LINGO2: variants seen among roughly 807,000 people sequenced by gnomAD.
The protein encoded by LINGO2 is leucine-rich repeat and immunoglobulin-like domain-containing nogo receptor-interacting protein 2.
Under a neutral mutation model 30.6 loss-of-function variants are expected in LINGO2, and 14 were observed. The ratio of observed to expected loss-of-function variants is 0.46; its 90% CI spans 0.30 to 0.72. The LOEUF (loss-of-function observed/expected upper bound fraction) is 0.72. LINGO2 is among the 30% of genes least tolerant of loss of function. The pLI is 0.07. For missense variants in LINGO2, 729 were observed against 751.7 expected (o/e 0.97, Z 0.35); for synonymous variants, 317 against 288.5 (o/e 1.10, Z -1.00).
chr9:28,334,618 G>A (rs558338901), intron 3 of LINGO2, among the ~76,000 whole-genome samples: 6 of 152,112 alleles, frequency 3.9e-5, no homozygotes, highest in African/African-American at 1.4e-4. Flanking sequence ...GACTCTAGTA[G>A]GTTTGGGTGG....
chr9:28,518,929 G>C (rs1243318325), intron 1 of LINGO2, among the ~76,000 whole-genome samples: 1 of 152,164 alleles, frequency 6.6e-6, no homozygotes. Flanking sequence ...TCTAACTTGT[G>C]TTGTACTTTC....
At chr9:28,367,104 A>G (rs1437258869) in intron 3 of LINGO2, among the ~76,000 whole-genome samples, 1 of 136,056 alleles carries the variant, frequency 7.3e-6, no homozygotes, top group East Asian at 2.3e-4. Context: ...TTTTGGTTAA[A>G]TCAAAAGTCA....
chr9:28,038,086 G>T (rs914565902), intron 4 of LINGO2, among the ~76,000 whole-genome samples: 1 of 152,192 alleles, frequency 6.6e-6, no homozygotes, highest in Non-Finnish European at 1.5e-5. Flanking sequence ...AAGATTTTAT[G>T]AAAGTTGGCT....
chr9:29,023,241 G>A, the LINGO2 span, among the ~76,000 whole-genome samples: 1 of 151,946 alleles, frequency 6.6e-6, no homozygotes, highest in African/African-American at 2.4e-5. Context: ...CAAAGCATTT[G>A]TCCTTCATTT....
chr9:28,222,375 A>T (rs1159992842), intron 4 of LINGO2, among the ~76,000 whole-genome samples: 1 of 152,164 alleles, frequency 6.6e-6, no homozygotes, highest in African/African-American at 2.4e-5. Context: ...GTCATAAATC[A>T]CAGCTTTTGA....
chr9:27,991,409 G>A lies in LINGO2; in HGVS notation c.-36+20946C>T, dbSNP rs1821392566. On this transcript the variant is annotated intron_variant, in intron 5 of 5. Coordinates refer to ENST00000379992, the Ensembl canonical transcript of LINGO2. Reference sequence around the variant, plus strand: ...GTGACCTTTCAAGGTTATTCCATAAGCCCTGGCAATCTGTGTTCAGATGAT... The same window carrying A: ...GTGACCTTTCAAGGTTATTCCATAAACCCTGGCAATCTGTGTTCAGATGAT... 2.0e-5 allele frequency among the ~76,000 whole-genome samples: 3 copies of A among 151,956 alleles called. No individual in the cohort carries two copies. The South Asian group carries it at 6.2e-4, about 32-fold the overall frequency.
intron 2 of LINGO2, among the ~76,000 whole-genome samples, chr9:28,472,674 G>A (rs1825573216): frequency 6.6e-6 from 1 of 151,028 alleles, no homozygotes; most frequent in Admixed American, 6.6e-5. Context: ...TATTTATTTT[G>A]GTCTCTTCTT....
At chr9:28,699,998 G>C in the LINGO2 span, among the ~76,000 whole-genome samples, 1 of 151,942 alleles carries the variant, frequency 6.6e-6, no homozygotes, top group African/African-American at 2.4e-5. Flanking sequence ...ATTTTGCCCT[G>C]GCCCTGTTTC....
At chr9:28,055,716 CTT>C (rs1824902499) in intron 4 of LINGO2, among the ~76,000 whole-genome samples, 1 of 152,124 alleles carries the variant, frequency 6.6e-6, no homozygotes, top group Admixed American at 6.6e-5. Context: ...ACTTAAAATT[CTT>C]TAAAAGATAT....
chr9:27,952,758 T>C (rs1819379625), intron 5 of LINGO2, among the ~76,000 whole-genome samples: 1 of 152,056 alleles, frequency 6.6e-6, no homozygotes, highest in African/African-American at 2.4e-5. Context: ...CCAGATGAAT[T>C]AAGGATTCAA....
At chr9:29,173,539 A>G in the LINGO2 span, among the ~76,000 whole-genome samples, 1 of 152,136 alleles carries the variant, frequency 6.6e-6, no homozygotes, top group Non-Finnish European at 1.5e-5. Flanking sequence ...AGGAGAAGAA[A>G]AATCAAAAGT....
the LINGO2 span, among the ~76,000 whole-genome samples, chr9:28,918,956 T>A: frequency 6.6e-6 from 1 of 152,164 alleles, no homozygotes; most frequent in African/African-American, 2.4e-5. Flanking sequence ...GCCCCAAACA[T>A]CTATTTAAAG....
chr9:28,182,736 C>A (rs1037129248), intron 4 of LINGO2, among the ~76,000 whole-genome samples: 2 of 152,058 alleles, frequency 1.3e-5, no homozygotes, highest in African/African-American at 2.4e-5. Flanking sequence ...TAGAGAAATG[C>A]AAATCAAAAC....
the LINGO2 span, among the ~76,000 whole-genome samples, chr9:28,739,750 C>T: frequency 6.6e-6 from 1 of 151,432 alleles, no homozygotes; most frequent in African/African-American, 2.4e-5. Flanking sequence ...ATCTCTAAGT[C>T]TAGCTTTATG....
chr9:28,188,739 C>A (rs1006949776), intron 4 of LINGO2, among the ~76,000 whole-genome samples: 3 of 152,110 alleles, frequency 2.0e-5, no homozygotes, highest in Admixed American at 2.0e-4. Context: ...AACTATAGCA[C>A]CTGCTTCTAT....
intron 4 of LINGO2, chr9:28,149,206 G>A: frequency 8.4e-7 from 1 of 1,188,638 alleles, no homozygotes; most frequent in Non-Finnish European, 1.2e-6. Flanking sequence ...AGAAGAGATG[G>A]TAGGGCAGGC....
At chr9:28,188,721 G>T (rs887978451) in intron 4 of LINGO2, among the ~76,000 whole-genome samples, 2 of 152,054 alleles carry the variant, frequency 1.3e-5, no homozygotes, top group African/African-American at 4.8e-5. Context: ...TGCAGAAATG[G>T]TCACTATAAC....
chr9:28,224,727 C>T (rs1251349528), intron 4 of LINGO2, among the ~76,000 whole-genome samples: 2 of 152,032 alleles, frequency 1.3e-5, no homozygotes, highest in Admixed American at 6.6e-5. Flanking sequence ...AGCTTTTAAT[C>T]CCTATGAAAA....
intron 1 of LINGO2, among the ~76,000 whole-genome samples, chr9:28,577,235 G>A (rs1824033444): frequency 6.6e-6 from 1 of 152,004 alleles, no homozygotes; most frequent in Non-Finnish European, 1.5e-5. Context: ...GATTTGTAAC[G>A]TCCCTAGTCA....
Sources: gnomAD v4.1 joint callset for allele counts (sites outside exome capture counted in the v4.1 genomes callset) on GRCh38, gnomAD v4.1.1 for gene constraint, MANE v1.5 for transcripts, NCBI Gene and HGNC (gene_info 2026-07-23, HGNC 2026-07-21) for gene names.